Variants in CLPB observed in about 807,000 individuals in gnomAD.
CLPB encodes mitochondrial disaggregase.
Under a neutral mutation model 78.4 loss-of-function variants are expected in CLPB, and 40 were observed. The observed-to-expected ratio is 0.51, with a 90% CI of 0.40 to 0.66. The LOEUF is 0.66. Among genes scored for constraint, CLPB ranks in the 30% least tolerant of loss-of-function variants. CLPB has a pLI of 0.00. For missense variants in CLPB, 780 were observed against 886.9 expected (o/e 0.88, Z 1.53); for synonymous variants, 333 against 348.0 (o/e 0.96, Z 0.48).
chr11:72,328,409 A>G (rs1319183875), intron 6 of CLPB, among the ~76,000 whole-genome samples: 2 of 152,232 alleles, frequency 1.3e-5, no homozygotes, highest in Non-Finnish European at 2.9e-5. Context: ...ATAGACAATC[A>G]TATGTTGCCT....
chr11:72,429,822 T>C (rs1015033712), intron 2 of CLPB, among the ~76,000 whole-genome samples: 5 of 152,214 alleles, frequency 3.3e-5, no homozygotes, highest in Non-Finnish European at 5.9e-5. Context: ...AGAAATGCAG[T>C]CTGTCCCCGG....
chr11:72,373,738 C>T (rs188102272), intron 4 of CLPB, among the ~76,000 whole-genome samples: 92 of 152,102 alleles, frequency 6.0e-4, no homozygotes, highest in Admixed American at 3.1e-3. Context: ...CTGAGGTCTG[C>T]AGTTAGAGAC....
chr11:72,362,639 T>C (rs574714655), intron 4 of CLPB, among the ~76,000 whole-genome samples: 24 of 152,344 alleles, frequency 1.6e-4, no homozygotes, highest in African/African-American at 5.5e-4. Context: ...GGCTCCTTTA[T>C]CTATATGTGG....
intron 2 of CLPB, among the ~76,000 whole-genome samples, chr11:72,419,692 T>C (rs936948117): frequency 6.6e-6 from 1 of 152,218 alleles, no homozygotes; most frequent in Non-Finnish European, 1.5e-5. Context: ...TAGAGAGCTC[T>C]TCCCAACCTT....
intron 5 of CLPB, among the ~76,000 whole-genome samples, chr11:72,343,345 G>C (rs1950455520): frequency 6.6e-6 from 1 of 152,164 alleles, no homozygotes; most frequent in Admixed American, 6.5e-5. Context: ...TCGGAAATGT[G>C]GGGGTGGGGG....
At chr11:72,408,844 C>A (rs2135103745) in intron 2 of CLPB, among the ~76,000 whole-genome samples, 1 of 152,270 alleles carries the variant, frequency 6.6e-6, no homozygotes, top group Non-Finnish European at 1.5e-5. Flanking sequence ...CAAGTGAATG[C>A]ACAGTGGGCA....
chr11:72,344,480 G>A (rs955509249), intron 5 of CLPB, among the ~76,000 whole-genome samples: 17 of 152,052 alleles, frequency 1.1e-4, no homozygotes, highest in Admixed American at 5.2e-4. Context: ...CCAAAGTGGT[G>A]GGATTGCAGG....
chr11:72,329,767 T>G lies in CLPB; in HGVS notation c.813A>C (p.Thr271=). The G allele has an allele frequency of 6.2e-7, 1 of 1,613,948 alleles. No homozygotes were observed. Among genetic ancestry groups the G allele is most frequent in the Non-Finnish European group, 8.5e-7 (1 of 1,179,916 alleles). The part of the protein sequence containing the change: ...NPLQRNEMGH[T]PLDYAREGEV... ...CCCCTTCTCGGGCATAATCCAAGGG[T>G]GTGTGTCCCATTTCATTCCTCTGCA... Residue 271 remains threonine (T), a synonymous_variant, in exon 6 of 16, where the codon ACA becomes ACC. Coordinates refer to ENST00000538039, the MANE Select transcript of CLPB (RefSeq NM_001258392.3).
chr11:72,403,570 C>T (rs959719187), intron 2 of CLPB, among the ~76,000 whole-genome samples: 18 of 152,146 alleles, frequency 1.2e-4, no homozygotes, highest in African/African-American at 4.3e-4. Context: ...GAACAGAATG[C>T]CTAATGACAT....
intron 5 of CLPB, among the ~76,000 whole-genome samples, chr11:72,334,957 G>A (rs1452107262): frequency 6.6e-6 from 1 of 152,250 alleles, no homozygotes; most frequent in African/African-American, 2.4e-5. Context: ...CTACAGCTGT[G>A]GAAGGTCACT....
intron 9 of CLPB, among the ~76,000 whole-genome samples, chr11:72,305,108 CCT>C (rs1949722810): frequency 6.6e-6 from 1 of 152,172 alleles, no homozygotes; most frequent in Non-Finnish European, 1.5e-5. Context: ...GCTTCTCATG[CCT>C]CTCATCTCCC....
chr11:72,298,654 T>A (rs1472884721), intron 11 of CLPB, among the ~76,000 whole-genome samples: 1 of 152,240 alleles, frequency 6.6e-6, no homozygotes, highest in Admixed American at 6.5e-5. Flanking sequence ...CATGTCACTA[T>A]GCCCAGCTGA....
intron 2 of CLPB, among the ~76,000 whole-genome samples, chr11:72,404,530 G>A (rs1044297906): frequency 3.3e-5 from 5 of 152,224 alleles, no homozygotes; most frequent in Non-Finnish European, 7.3e-5. Flanking sequence ...CAAAGCCCAA[G>A]GGGGAGACAG....
chr11:72,326,555 A>G (rs1950136594), intron 6 of CLPB, among the ~76,000 whole-genome samples: 2 of 152,182 alleles, frequency 1.3e-5, no homozygotes, highest in South Asian at 4.1e-4. Flanking sequence ...ACAGAGTGGT[A>G]GGTGGAGGTG....
chr11:72,346,516 C>A (rs75529696), intron 5 of CLPB, among the ~76,000 whole-genome samples: 2 of 149,148 alleles, frequency 1.3e-5, no homozygotes, highest in African/African-American at 2.5e-5. Flanking sequence ...GATTTCAGGG[C>A]AACAGCAAGG....
rs144712077 is a variant in CLPB, at chr11:72,317,186, T to C, written c.908A>G (p.Glu303Gly). 6.0e-5 allele frequency: 96 copies of C among 1,612,086 alleles called. No homozygotes were observed. The African/African-American group carries it at 1.1e-3, about 19-fold the overall frequency. ...CTGCTCCAGGGGGAAGCGGCGCCGCTCCTCAGCCTCACGCTTCCGCTGCTT... is the reference window on the plus strand; with the variant it reads ...CTGCTCCAGGGGGAAGCGGCGCCGCCCCTCAGCCTCACGCTTCCGCTGCTT... ...QEKQRKREAEERRRFPLEQRL... is the reference protein window; with the variant it reads ...QEKQRKREAEGRRRFPLEQRL... Residue 303 changes from glutamate to glycine, a missense_variant, in exon 7 of 16, where the codon GAG (glutamate) becomes GGG (glycine). Around this residue, in one of 3 missense-constraint regions of CLPB, gnomAD observed 417 missense variants for 414.7 expected, o/e 1.01. Transcript: ENST00000538039.
rs760399999 is a variant in CLPB, at chr11:72,295,515, C to T, written c.1463G>A (p.Arg488His). ...QLRQEALEMS[R>H]NRIAENLGDV... The stretch of plus-strand genomic sequence containing the variant: ...ACCCAGGTTTTCGGCAATACGGTTA[C>T]GGCTCATCTCCAAAGCTTCCTGCCT... The change falls in exon 12 of 16, where the codon CGT (arginine) becomes CAT (histidine). Residue 488 changes from arginine to histidine, a missense_variant. Arg to His is a conservative substitution (Grantham distance 29). Coordinates refer to ENST00000538039, the MANE Select transcript of CLPB (RefSeq NM_001258392.3). 1.1e-5 allele frequency: 18 copies of T among 1,614,060 alleles called. No homozygotes were observed. Among genetic ancestry groups the T allele is most frequent in the South Asian group, 2.2e-5 (2 of 91,080 alleles).
intron 4 of CLPB, among the ~76,000 whole-genome samples, chr11:72,361,807 T>C (rs1010973696): frequency 6.6e-6 from 1 of 152,170 alleles, no homozygotes; most frequent in Non-Finnish European, 1.5e-5. Context: ...CCTGGAGATA[T>C]AATAATAAAT....
intron 5 of CLPB, among the ~76,000 whole-genome samples, chr11:72,346,196 A>C (rs1950510172): frequency 6.6e-6 from 1 of 152,152 alleles, no homozygotes; most frequent in Admixed American, 6.5e-5. Context: ...CTGAGGTGAG[A>C]GGATCACTTG....
Sources: gnomAD v4.1 joint callset for allele counts (sites outside exome capture counted in the v4.1 genomes callset) on GRCh38, gnomAD v4.1.1 for gene constraint, gnomAD v4.1.1 regional missense constraint, MANE v1.5 for transcripts, NCBI Gene and HGNC (gene_info 2026-07-23, HGNC 2026-07-21) for gene names.